Variants in ROR1 observed in about 807,000 individuals in gnomAD.
ROR1 encodes the protein inactive tyrosine-protein kinase transmembrane receptor ROR1.
A neutral mutation model predicts 78.8 loss-of-function variants in ROR1; 19 were observed. The observed-to-expected ratio is 0.24, with a 90% CI of 0.17 to 0.35. ROR1 has a LOEUF of 0.35. ROR1 is among the 10% of genes least tolerant of loss of function. The pLI is 1.00. For missense variants in ROR1, 917 were observed against 1,177.8 expected (o/e 0.78, Z 3.24); for synonymous variants, 386 against 433.6 (o/e 0.89, Z 1.36).
At chr1:63,851,168 C>T (rs150862635) in intron 1 of ROR1, among the ~76,000 whole-genome samples, 19 of 152,012 alleles carry the variant, frequency 1.2e-4, no homozygotes, top group Admixed American at 7.9e-4. Flanking sequence ...TTAGTAGAGA[C>T]GGGGTTTCAC....
chr1:63,776,773 C>T (rs949491722), intron 1 of ROR1, among the ~76,000 whole-genome samples: 39 of 152,136 alleles, frequency 2.6e-4, no homozygotes, highest in African/African-American at 8.9e-4. Flanking sequence ...TGTCTCTCTT[C>T]TCTCACCATA....
At chr1:64,050,742 T>A (rs781332428) in intron 4 of ROR1, 26 bp downstream of exon 4, 1 of 1,611,016 alleles carries the variant, frequency 6.2e-7, no homozygotes, top group South Asian at 1.1e-5. Context: ...TCCTTTCTTG[T>A]CATTTCTAAG....
intron 1 of ROR1, among the ~76,000 whole-genome samples, chr1:63,817,337 T>C (rs1644898166): frequency 6.6e-6 from 1 of 152,190 alleles, no homozygotes. Flanking sequence ...TTTCAAAGCC[T>C]CTCTTGAAGA....
intron 1 of ROR1, among the ~76,000 whole-genome samples, chr1:63,805,688 C>G (rs1280414092): frequency 3.9e-5 from 6 of 152,122 alleles, no homozygotes; most frequent in Non-Finnish European, 7.4e-5. Context: ...GTCCATTTAT[C>G]CACTTGGGAT....
At chr1:64,112,433 C>G (rs535651439) in intron 4 of ROR1, among the ~76,000 whole-genome samples, 6 of 152,254 alleles carry the variant, frequency 3.9e-5, no homozygotes, top group Admixed American at 1.3e-4. Context: ...CCAACCCAGG[C>G]ATTCTATCAT....
chr1:63,994,616 C>G (rs978568178), intron 1 of ROR1, among the ~76,000 whole-genome samples: 2 of 152,126 alleles, frequency 1.3e-5, no homozygotes, highest in African/African-American at 2.4e-5. Flanking sequence ...TGGAATAGCT[C>G]ACAGTGTGGG....
At chr1:64,158,652 C>T (rs1369149611) in intron 7 of ROR1, among the ~76,000 whole-genome samples, 7 of 152,294 alleles carry the variant, frequency 4.6e-5, no homozygotes, top group African/African-American at 1.7e-4. Context: ...AGTCCATTCA[C>T]GTGGCGTTTA....
At chr1:64,128,972 T>C (rs1309231136) in intron 4 of ROR1, among the ~76,000 whole-genome samples, 1 of 152,198 alleles carries the variant, frequency 6.6e-6, no homozygotes, top group African/African-American at 2.4e-5. Context: ...AAATTAATCA[T>C]TATTTTAATG....
rs1185475234 is a variant in ROR1, at chr1:63,861,976, A to G, written c.91+87468A>G. Among the ~76,000 whole-genome samples, 4 of 152,350 alleles carry G rather than the reference A, an allele frequency of 2.6e-5. No homozygotes were observed. In the East Asian group the frequency reaches 7.7e-4, roughly 29 times the overall value. ...ATGGCATATTCTATAAGGAAAAATAATATTAATGGTATTTTAATTAAGCTT... is the reference window on the plus strand; with the variant it reads ...ATGGCATATTCTATAAGGAAAAATAGTATTAATGGTATTTTAATTAAGCTT... On this transcript the variant is annotated intron_variant, in intron 1 of 8. Transcript: ENST00000371079.
chr1:63,895,223 G>A (rs1428377304), intron 1 of ROR1, among the ~76,000 whole-genome samples: 1 of 151,998 alleles, frequency 6.6e-6, no homozygotes, highest in Non-Finnish European at 1.5e-5. Context: ...ACAGAATGTT[G>A]CATTCTTGTA....
At chr1:63,924,321 C>A (rs572903712) in intron 1 of ROR1, among the ~76,000 whole-genome samples, 31 of 152,098 alleles carry the variant, frequency 2.0e-4, no homozygotes, top group African/African-American at 7.2e-4. Context: ...CCAGTGTCTG[C>A]TGTATAAGAG....
intron 2 of ROR1, among the ~76,000 whole-genome samples, chr1:64,034,244 G>A (rs1162012974): frequency 6.6e-6 from 1 of 151,786 alleles, no homozygotes; most frequent in East Asian, 1.9e-4. Flanking sequence ...ATCAGTCCTG[G>A]GGGTTCTGAT....
At chr1:63,858,811 G>T (rs561213402) in intron 1 of ROR1, among the ~76,000 whole-genome samples, 3 of 152,176 alleles carry the variant, frequency 2.0e-5, no homozygotes, top group Non-Finnish European at 4.4e-5. Flanking sequence ...CTATTAGATG[G>T]TAATCTCTGT....
At chr1:63,998,730 C>T (rs1430463634) in intron 1 of ROR1, among the ~76,000 whole-genome samples, 1 of 152,180 alleles carries the variant, frequency 6.6e-6, no homozygotes, top group Non-Finnish European at 1.5e-5. Flanking sequence ...GAAATAAAAG[C>T]CAGAAAGACT....
At chr1:63,989,311 G>A (rs1646276659) in intron 1 of ROR1, among the ~76,000 whole-genome samples, 1 of 151,804 alleles carries the variant, frequency 6.6e-6, no homozygotes, top group Admixed American at 6.6e-5. Context: ...GAAAATGTGG[G>A]TAATGGATAA....
At chr1:63,969,165 T>C (rs1237340154) in intron 1 of ROR1, among the ~76,000 whole-genome samples, 1 of 152,140 alleles carries the variant, frequency 6.6e-6, no homozygotes, top group Non-Finnish European at 1.5e-5. Context: ...GAGTTGCTGC[T>C]TTTTGTGCCA....
intron 1 of ROR1, among the ~76,000 whole-genome samples, chr1:63,781,371 G>A (rs756765024): frequency 1.3e-5 from 2 of 152,064 alleles, no homozygotes; most frequent in Non-Finnish European, 2.9e-5. Context: ...TAAGAAAATC[G>A]AGGCTCAGGA....
chr1:64,145,834 T>A (rs537568466), intron 7 of ROR1, among the ~76,000 whole-genome samples: 1 of 152,322 alleles, frequency 6.6e-6, no homozygotes, highest in East Asian at 1.9e-4. Flanking sequence ...CATGCTTTCT[T>A]TATCCTCATC....
intron 4 of ROR1, among the ~76,000 whole-genome samples, chr1:64,056,670 T>C (rs1646877446): frequency 6.9e-6 from 1 of 145,510 alleles, no homozygotes; most frequent in Non-Finnish European, 1.5e-5. Flanking sequence ...AGCAAGACTC[T>C]ATCTCCAAAA....
Sources: gnomAD v4.1 joint callset for allele counts (sites outside exome capture counted in the v4.1 genomes callset) on GRCh38, gnomAD v4.1.1 for gene constraint, MANE v1.5 for transcripts, NCBI Gene and HGNC (gene_info 2026-07-23, HGNC 2026-07-21) for gene names.